Variants in ST13 observed in about 807,000 individuals in gnomAD.
The protein encoded by ST13 is ST13 Hsp70 interacting protein, also known as hsc70-interacting protein.
In ST13, 23 loss-of-function variants were observed where a neutral mutation model predicts 56.7. The observed-to-expected ratio is 0.41, with a 90% CI of 0.29 to 0.57. ST13 has a LOEUF of 0.57. ST13 is among the 20% of genes least tolerant of loss of function. ST13 has a pLI of 0.36. For synonymous variants in ST13, 132 were observed against 142.4 expected, an observed-to-expected ratio of 0.93 and a Z score of 0.52; for missense variants, 369 against 459.9, an observed-to-expected ratio of 0.80 and a Z score of 1.81.
At chr22:40,827,666 T>C (rs1481937442) in intron 10 of ST13, among the ~76,000 whole-genome samples, 1 of 151,572 alleles carries the variant, frequency 6.6e-6, no homozygotes, top group Non-Finnish European at 1.5e-5. Flanking sequence ...AAATATATTT[T>C]TTATTTTTAT....
chr22:40,856,559 G>T lies in ST13; in HGVS notation c.-19C>A. The T allele has an allele frequency of 6.3e-7, 1 of 1,599,170 alleles. No homozygotes were observed. The highest frequency in any genetic ancestry group is 8.6e-7 in the Non-Finnish European group (1 of 1,168,632). ...GGTCCATGGTAGGGAGGTGGTGGGC[G>T]AAACTGGGGGGGCTACGGCCCGGTT... On this transcript the variant is annotated 5_prime_UTR_variant, in exon 1 of 12. Coordinates refer to ENST00000216218, the MANE Select transcript of ST13 (RefSeq NM_003932.5).
chr22:40,849,977 A>T (rs1287848646), intron 2 of ST13, among the ~76,000 whole-genome samples: 1 of 151,654 alleles, frequency 6.6e-6, no homozygotes, highest in African/African-American at 2.4e-5. Flanking sequence ...TGAAGAAAGC[A>T]TTCTGGGCCA....
intron 4 of ST13, among the ~76,000 whole-genome samples, chr22:40,842,388 C>T (rs1314888099): frequency 6.6e-6 from 1 of 152,102 alleles, no homozygotes; most frequent in Non-Finnish European, 1.5e-5. Context: ...AAGAGTTCAA[C>T]AAGGAATTTA....
At chr22:40,841,827 A>G (rs1488437808) in intron 4 of ST13, among the ~76,000 whole-genome samples, 1 of 151,922 alleles carries the variant, frequency 6.6e-6, no homozygotes, top group East Asian at 1.9e-4. Flanking sequence ...TCTTGGACTC[A>G]AGTGAGTTGC....
At chr22:40,844,151 G>A (rs2057819307) in intron 4 of ST13, among the ~76,000 whole-genome samples, 1 of 152,040 alleles carries the variant, frequency 6.6e-6, no homozygotes, top group African/African-American at 2.4e-5. Flanking sequence ...CCAAAGTGCT[G>A]GGATTACAGG....
intron 4 of ST13, among the ~76,000 whole-genome samples, chr22:40,843,623 A>G (rs936633671): frequency 2.0e-5 from 3 of 152,230 alleles, no homozygotes; most frequent in Non-Finnish European, 4.4e-5. Flanking sequence ...AAAGTAATAA[A>G]GCAGAAAATA....
intron 7 of ST13, chr22:40,835,274 C>T: frequency 4.4e-6 from 1 of 227,862 alleles, no homozygotes. Flanking sequence ...TATATTTGGC[C>T]ATATGTAGTC....
chr22:40,834,262 GCAA>G (rs1448007780), intron 7 of ST13, among the ~76,000 whole-genome samples: 1 of 152,178 alleles, frequency 6.6e-6, no homozygotes, highest in Non-Finnish European at 1.5e-5. Context: ...TCCAGCCTGG[GCAA>G]CAGAGTGAGA....
In ST13 at chr22:40,849,925, A is replaced by AG. The variant is rs397730963; in HGVS notation, c.168+897dup. Reference sequence around the variant, plus strand: ...TCAGAAAATTTGCAAAAAAAAAAAAAGCCTTTTAGATATGAAGGCAGAAGA... The same window carrying AG: ...TCAGAAAATTTGCAAAAAAAAAAAAAGGCCTTTTAGATATGAAGGCAGAAGA... On this transcript the variant is annotated intron_variant, in intron 2 of 11. Transcript: ENST00000216218. Among the ~76,000 whole-genome samples the AG allele has an allele frequency of 4.7e-3, 714 of 151,626 alleles. 3 individuals carry two copies. The highest frequency in any genetic ancestry group is 0.014 in the Middle Eastern group (4 of 294).
At chr22:40,843,332 T>C (rs890971606) in intron 4 of ST13, among the ~76,000 whole-genome samples, 2 of 152,060 alleles carry the variant, frequency 1.3e-5, no homozygotes, top group Non-Finnish European at 2.9e-5. Flanking sequence ...TCAACCTATT[T>C]CTAAAATTTA....
chr22:40,841,339 T>C (rs924412753), intron 4 of ST13, among the ~76,000 whole-genome samples: 2 of 151,980 alleles, frequency 1.3e-5, no homozygotes, highest in Non-Finnish European at 2.9e-5. Flanking sequence ...CACTGTACTC[T>C]AGCCTGGGTG....
chr22:40,845,918 A>G (rs1469309739), intron 3 of ST13, among the ~76,000 whole-genome samples: 2 of 152,144 alleles, frequency 1.3e-5, no homozygotes, highest in Non-Finnish European at 2.9e-5. Context: ...TATGGTGTAC[A>G]ATGCGATGTT....
intron 5 of ST13, among the ~76,000 whole-genome samples, chr22:40,838,649 T>TG (rs2145739298): frequency 1.3e-5 from 2 of 151,564 alleles, no homozygotes; most frequent in South Asian, 4.2e-4. Flanking sequence ...GGCAGGCACC[T>TG]GTATTGCCAG....
chr22:40,851,265 TAA>T (rs986039717), intron 1 of ST13, among the ~76,000 whole-genome samples: 6 of 152,228 alleles, frequency 3.9e-5, no homozygotes, highest in South Asian at 2.1e-4. Flanking sequence ...AAACTTGAAA[TAA>T]GAGTTCAATT....
At chr22:40,829,752 A>G (rs1798674652) in intron 9 of ST13, 78 bp from the exon 10 acceptor site, 1 of 739,786 alleles carries the variant, frequency 1.4e-6, no homozygotes, top group African/African-American at 1.8e-5. Flanking sequence ...ATGCAAGACC[A>G]TGAAAAAATT....
chr22:40,847,006 CCCAAAAAAACA>C (rs1223738542), intron 3 of ST13, among the ~76,000 whole-genome samples: 2 of 151,378 alleles, frequency 1.3e-5, no homozygotes, highest in Non-Finnish European at 3.0e-5. Context: ...CCAAAAAAAC[CCCAAAAAAACA>C]ACAAAAAAAA....
At chr22:40,840,335 CTT>C (rs34104893) in intron 5 of ST13, among the ~76,000 whole-genome samples, 23 of 140,292 alleles carry the variant, frequency 1.6e-4, no homozygotes, top group Non-Finnish European at 1.6e-4. Context: ...TCTACTACTA[CTT>C]TTTTTTTTTT....
intron 4 of ST13, among the ~76,000 whole-genome samples, chr22:40,844,389 CCA>C (rs1354018408): frequency 2.0e-5 from 3 of 152,074 alleles, no homozygotes; most frequent in Non-Finnish European, 1.5e-5. Flanking sequence ...AATTTTAATA[CCA>C]CAGATACACT....
At position 40,844,918 on chromosome 22, in the gene ST13, G is replaced by C. The variant is rs1182220811; in HGVS notation, c.245-9C>G. ...ACCTTCTTTATCAATTTCTGCCAAA[G>C]TCGAGAAAATGACAATAAGACCTGC... On this transcript the variant is annotated splice_polypyrimidine_tract_variant and intron_variant, in intron 3 of 11. Coordinates refer to ENST00000216218, the MANE Select transcript of ST13 (RefSeq NM_003932.5). 6.2e-7 allele frequency: 1 copy of C among 1,609,298 alleles called. No individual in the cohort carries two copies. Among genetic ancestry groups the C allele is most frequent in the African/African-American group, 1.3e-5 (1 of 74,766 alleles).
Sources: gnomAD v4.1 joint callset for allele counts (sites outside exome capture counted in the v4.1 genomes callset) on GRCh38, gnomAD v4.1.1 for gene constraint, MANE v1.5 for transcripts, NCBI Gene and HGNC (gene_info 2026-07-23, HGNC 2026-07-21) for gene names.